VPS13A: variants seen among roughly 807,000 people sequenced by gnomAD.
The protein encoded by VPS13A is intermembrane lipid transfer protein VPS13A.
In VPS13A, 264 loss-of-function variants were observed where a neutral mutation model predicts 390.9. The ratio of observed to expected loss-of-function variants is 0.68; its 90% CI spans 0.61 to 0.75. The LOEUF is 0.75. VPS13A is among the 30% of genes least tolerant of loss of function. The pLI, the probability that VPS13A is intolerant of heterozygous loss-of-function variation, is 0.00. For missense variants in VPS13A, 3,409 were observed against 3,733.9 expected, an observed-to-expected ratio of 0.91 and a Z score of 2.27; for synonymous variants, 1,231 against 1,227.1, an observed-to-expected ratio of 1.00 and a Z score of -0.07.
intron 5 of VPS13A, among the ~76,000 whole-genome samples, chr9:77,207,104 G>A (rs1425026184): frequency 6.9e-6 from 1 of 144,756 alleles, no homozygotes; most frequent in Non-Finnish European, 1.5e-5. Flanking sequence ...AAGTTAAGCA[G>A]TATTATAGTG....
chr9:77,293,247 A>G lies in VPS13A; in HGVS notation c.3340-94A>G, dbSNP rs187414215. 228 of 1,157,376 alleles carry G rather than the reference A, an allele frequency of 2.0e-4. No homozygotes were observed. In the African/African-American group the frequency reaches 3.2e-3, roughly 16 times the overall value. 71.7% of individuals were successfully genotyped at this position (1,157,376 alleles called of 1,614,324 possible). A position where few individuals can be genotyped will look rare whatever the true frequency, so the allele number is the denominator to read the frequency against. Reference sequence around the variant, plus strand: ...CTTGTGAATACTTGGGAGATTTTCTAACTATGTTTTGTTATTTTTTACTGT... The same window carrying G: ...CTTGTGAATACTTGGGAGATTTTCTGACTATGTTTTGTTATTTTTTACTGT... On this transcript the variant is annotated intron_variant, in intron 31 of 71. Coordinates refer to ENST00000360280, the MANE Select transcript of VPS13A (RefSeq NM_033305.3).
At chr9:77,382,379 CAGTATTTTGAATACA>C in intron 68 of VPS13A, 46 of 1,474,340 alleles carry the variant, frequency 3.1e-5, no homozygotes, top group Non-Finnish European at 4.1e-5. Flanking sequence ...ACAGCTGTTT[CAGTATTTTGAATACA>C]AAGAAAACCT....
At position 77,177,583 on chromosome 9, in the gene VPS13A, G is replaced by A. The variant is rs1483145276; in HGVS notation, c.-122G>A. Reference sequence around the variant, plus strand: ...TAGGGCTGCGCGTTGGGCCAGCGGGGGCGCCGCAGCTGAAGCCGCCCCGGA... The same window carrying A: ...TAGGGCTGCGCGTTGGGCCAGCGGGAGCGCCGCAGCTGAAGCCGCCCCGGA... On this transcript the variant is annotated 5_prime_UTR_variant, in exon 1 of 72. Coordinates refer to ENST00000360280, the MANE Select transcript of VPS13A (RefSeq NM_033305.3). The A allele has an allele frequency of 1.3e-5, 11 of 869,882 alleles. 1 individual carries two copies. Among genetic ancestry groups the A allele is most frequent in the South Asian group, 1.3e-4 (9 of 71,250 alleles). 53.9% of individuals were successfully genotyped at this position (869,882 alleles called of 1,614,324 possible).
At chr9:77,267,062 C>G (rs977973995) in intron 23 of VPS13A, among the ~76,000 whole-genome samples, 2 of 152,056 alleles carry the variant, frequency 1.3e-5, no homozygotes, top group Non-Finnish European at 2.9e-5. Context: ...AGCATTTCCT[C>G]TAACCTTTTT....
At position 77,209,404 on chromosome 9, in the gene VPS13A, G is replaced by T. The variant is rs1825848669; in HGVS notation, c.386-19G>T. On this transcript the variant is annotated intron_variant, in intron 5 of 71. Coordinates refer to ENST00000360280, the MANE Select transcript of VPS13A (RefSeq NM_033305.3). ...ATATTTTTCATTCAATTTTAAAAAAGGAATATTTGCAATTGTAGAACAACA... is the reference window on the plus strand; with the variant it reads ...ATATTTTTCATTCAATTTTAAAAAATGAATATTTGCAATTGTAGAACAACA... 1.3e-6 allele frequency: 2 copies of T among 1,538,592 alleles called. No individual in the cohort carries two copies. The highest frequency in any genetic ancestry group is 1.7e-5 in the Admixed American group (1 of 59,650).
intron 10 of VPS13A, among the ~76,000 whole-genome samples, chr9:77,216,146 CTTAACA>C (rs2131163452): frequency 6.6e-6 from 1 of 152,178 alleles, no homozygotes; most frequent in South Asian, 2.1e-4. Flanking sequence ...ACTGATAAAG[CTTAACA>C]TTACGCCAGC....
At chr9:77,294,684 G>C (rs895029548) in intron 32 of VPS13A, among the ~76,000 whole-genome samples, 1 of 152,082 alleles carries the variant, frequency 6.6e-6, no homozygotes, top group African/African-American at 2.4e-5. Context: ...AGATAAACAA[G>C]TATTCCTTGT....
intron 45 of VPS13A, among the ~76,000 whole-genome samples, chr9:77,330,368 C>T (rs1830220620): frequency 6.6e-6 from 1 of 152,144 alleles, no homozygotes; most frequent in African/African-American, 2.4e-5. Flanking sequence ...TTAGACTTTT[C>T]AAGCTTATGC....
chr9:77,324,297 A>T (rs2131458362), intron 45 of VPS13A, among the ~76,000 whole-genome samples: 1 of 152,304 alleles, frequency 6.6e-6, no homozygotes, highest in South Asian at 2.1e-4. Flanking sequence ...ATTGCCTATC[A>T]CACTGGCTAG....
intron 62 of VPS13A, among the ~76,000 whole-genome samples, chr9:77,368,645 C>T (rs1302738576): frequency 1.3e-5 from 2 of 152,136 alleles, no homozygotes; most frequent in Non-Finnish European, 2.9e-5. Flanking sequence ...CCACTTTTGC[C>T]ATATACCCAC....
intron 71 of VPS13A, among the ~76,000 whole-genome samples, chr9:77,408,285 A>G (rs575387254): frequency 5.9e-4 from 89 of 152,000 alleles, no homozygotes; most frequent in African/African-American, 2.1e-3. Flanking sequence ...TGTACTCATT[A>G]TATCATGAAA....
chr9:77,212,783 A>G (rs1188770474), intron 7 of VPS13A, among the ~76,000 whole-genome samples, 186 bp from the exon 8 acceptor site: 5 of 152,176 alleles, frequency 3.3e-5, no homozygotes, highest in Non-Finnish European at 5.9e-5. Flanking sequence ...CTGACCCGCA[A>G]TGAGCTCCTT....
At chr9:77,187,137 A>C (rs1271775017) in intron 1 of VPS13A, among the ~76,000 whole-genome samples, 1 of 152,206 alleles carries the variant, frequency 6.6e-6, no homozygotes, top group Non-Finnish European at 1.5e-5. Context: ...TCTGTTGATG[A>C]ATAGTTGGGC....
At chr9:77,230,873 A>G (rs1475891191) in intron 17 of VPS13A, among the ~76,000 whole-genome samples, 1 of 152,152 alleles carries the variant, frequency 6.6e-6, no homozygotes, top group African/African-American at 2.4e-5. Flanking sequence ...AAGTCTTCCA[A>G]TCCATGCACA....
intron 19 of VPS13A, 91 bp from the exon 20 acceptor site, chr9:77,247,166 TAA>T: frequency 5.5e-6 from 6 of 1,094,136 alleles, no homozygotes; most frequent in Non-Finnish European, 5.1e-6. Context: ...AATTTTACAT[TAA>T]GATTGTTTTA....
intron 29 of VPS13A, 150 bp downstream of exon 29, chr9:77,282,424 G>C (rs776728605): frequency 4.2e-6 from 3 of 717,650 alleles, no homozygotes; most frequent in African/African-American, 1.8e-5. Flanking sequence ...TTATATGCCA[G>C]GATAATTTTA....
chr9:77,295,937 G>A (rs1827970925), intron 33 of VPS13A, 91 bp downstream of exon 33: 1 of 1,308,494 alleles, frequency 7.6e-7, no homozygotes, highest in Admixed American at 2.0e-5. Context: ...TTTACAGTGA[G>A]ATTTTATTTT....
chr9:77,364,599 CTG>C lies in VPS13A; in HGVS notation c.8212-857_8212-856del. Among the ~76,000 whole-genome samples, 2 of 152,278 alleles carry C rather than the reference CTG, an allele frequency of 1.3e-5. 1 individual carries two copies. Among genetic ancestry groups the C allele is most frequent in the Middle Eastern group, 6.8e-3 (2 of 294 alleles). On this transcript the variant is annotated intron_variant, in intron 59 of 71. Coordinates refer to ENST00000360280, the MANE Select transcript of VPS13A (RefSeq NM_033305.3). ...TTGAGGACTGGGCCAAGAAGGAGCTCTGTGTTCTTGGGTATACTAGTCTAGAG... is the reference window on the plus strand; with the variant it reads ...TTGAGGACTGGGCCAAGAAGGAGCTCTGTTCTTGGGTATACTAGTCTAGAG...
At chr9:77,346,149 T>C (rs1831140512) in intron 52 of VPS13A, among the ~76,000 whole-genome samples, 1 of 152,176 alleles carries the variant, frequency 6.6e-6, no homozygotes, top group Admixed American at 6.5e-5. Context: ...TGTGAAAGTG[T>C]TCCCTTTTCA....
Sources: allele counts gnomAD v4.1 joint callset (sites outside exome capture counted in the v4.1 genomes callset), GRCh38; gene constraint gnomAD v4.1.1; transcripts MANE v1.5; gene names NCBI Gene and HGNC (gene_info 2026-07-23, HGNC 2026-07-21).